Variants in CSNK1G1 observed in about 807,000 individuals in gnomAD.
The protein encoded by CSNK1G1 is casein kinase 1 gamma 1.
In CSNK1G1, 22 loss-of-function variants were observed where a neutral mutation model predicts 59.6. The observed-to-expected ratio is 0.37, with a 90% confidence interval of 0.26 to 0.53. The LOEUF is 0.53. Ranked by LOEUF, CSNK1G1 falls within the 20% of genes least tolerant of loss-of-function variation. The pLI, the probability that CSNK1G1 is intolerant of heterozygous loss-of-function variation, is 0.89. For missense variants in CSNK1G1, 384 were observed against 519.5 expected (o/e 0.74, Z 2.54); for synonymous variants, 179 against 177.1 (o/e 1.01, Z -0.08).
intron 10 of CSNK1G1, among the ~76,000 whole-genome samples, chr15:64,187,374 A>G (rs1458144231): frequency 6.8e-6 from 1 of 146,394 alleles, no homozygotes; most frequent in African/African-American, 2.5e-5. Flanking sequence ...TTTTTTTTGT[A>G]TTTATAGTAC....
At chr15:64,212,334 C>T (rs2082258660) in intron 6 of CSNK1G1, among the ~76,000 whole-genome samples, 1 of 152,208 alleles carries the variant, frequency 6.6e-6, no homozygotes, top group African/African-American at 2.4e-5. Flanking sequence ...TTACTCTTCA[C>T]TATCACTTGA....
intron 6 of CSNK1G1, 72 bp from the exon 7 acceptor site, chr15:64,207,666 C>A (rs1043746266): frequency 1.3e-5 from 15 of 1,143,532 alleles, no homozygotes; most frequent in Non-Finnish European, 2.0e-5. Flanking sequence ...ACCAAGTAAT[C>A]CCTTCAGAAA....
chr15:64,195,129 G>A (rs919980695), intron 10 of CSNK1G1: 2 of 152,124 alleles, frequency 1.3e-5, no homozygotes, highest in South Asian at 2.1e-4. Flanking sequence ...CATATGCTAC[G>A]CATCTCTTTT....
chr15:64,214,678 T>A lies in CSNK1G1; in HGVS notation c.445-554A>T, dbSNP rs2082288355. Among the ~76,000 whole-genome samples, 1 of 152,158 alleles carries A rather than the reference T, an allele frequency of 6.6e-6. No homozygotes were observed. The highest frequency in any genetic ancestry group is 2.4e-5 in the African/African-American group (1 of 41,426). The stretch of plus-strand genomic sequence containing the variant: ...ACAGTTCATTATTATTATTATTATT[T>A]TTGAGACGGAGTCTTGCTCTGTCAC... On this transcript the variant is annotated intron_variant, in intron 5 of 11. Transcript: ENST00000303052. This position sits in a 1 kb window ranked among gnomAD's most constrained non-coding sequence, Gnocchi z 4.3.
intron 1 of CSNK1G1, among the ~76,000 whole-genome samples, chr15:64,325,126 G>A (rs1300799507): frequency 6.6e-6 from 1 of 152,152 alleles, no homozygotes; most frequent in East Asian, 1.9e-4. Flanking sequence ...TGACATCTGG[G>A]TAGTGGACAC....
chr15:64,185,878 A>AG (rs1210973171), intron 10 of CSNK1G1, among the ~76,000 whole-genome samples: 4 of 151,730 alleles, frequency 2.6e-5, no homozygotes, highest in African/African-American at 4.8e-5. Flanking sequence ...AAAAAAAAAA[A>AG]AGAGAGAAAA....
At chr15:64,243,681 A>T (rs777462892) in intron 4 of CSNK1G1, among the ~76,000 whole-genome samples, 21 of 152,206 alleles carry the variant, frequency 1.4e-4, no homozygotes, top group Non-Finnish European at 2.5e-4. Flanking sequence ...TCTCAAAATG[A>T]ATTTAAAAAT....
chr15:64,353,943 TAA>T (rs1387068321), intron 1 of CSNK1G1, among the ~76,000 whole-genome samples: 1 of 152,218 alleles, frequency 6.6e-6, no homozygotes, highest in African/African-American at 2.4e-5. Flanking sequence ...GAATATTATA[TAA>T]GTTTTTCTAG....
intron 1 of CSNK1G1, among the ~76,000 whole-genome samples, chr15:64,336,641 G>A (rs1301582350): frequency 6.6e-6 from 1 of 151,986 alleles, no homozygotes; most frequent in Admixed American, 6.6e-5. Context: ...AAATGTAAGA[G>A]ATTCAAAATA....
At chr15:64,203,694 TA>T (rs531367701) in intron 9 of CSNK1G1, among the ~76,000 whole-genome samples, 1,493 of 56,154 alleles carry the variant, frequency 0.027, 26 homozygotes, top group African/African-American at 0.072. Context: ...TGAAACTCCG[TA>T]AAAAAAAAAA....
intron 2 of CSNK1G1, among the ~76,000 whole-genome samples, chr15:64,282,528 A>C (rs1894197894): frequency 6.6e-6 from 1 of 152,166 alleles, no homozygotes; most frequent in African/African-American, 2.4e-5. Context: ...TCAGTCTCCC[A>C]TGAATTTTTC....
At chr15:64,354,140 C>T (rs568544546) in intron 1 of CSNK1G1, among the ~76,000 whole-genome samples, 3 of 152,056 alleles carry the variant, frequency 2.0e-5, no homozygotes, top group Admixed American at 6.6e-5. Flanking sequence ...CCTCTCTCTA[C>T]TAAAAATACA....
intron 2 of CSNK1G1, among the ~76,000 whole-genome samples, chr15:64,292,908 T>C (rs1045190998): frequency 3.3e-5 from 5 of 152,022 alleles, no homozygotes; most frequent in African/African-American, 9.7e-5. Flanking sequence ...AGCCTGGTGA[T>C]AGAGCGAGAC....
chr15:64,336,082 G>A lies in CSNK1G1; in HGVS notation c.-225+19906C>T, dbSNP rs75137337. Among the ~76,000 whole-genome samples the A allele has an allele frequency of 8.7e-3, 1,320 of 152,086 alleles. 17 individuals are homozygous for A. Among genetic ancestry groups the A allele is most frequent in the African/African-American group, 0.03 (1,260 of 41,484 alleles). On this transcript the variant is annotated intron_variant, in intron 1 of 11. Transcript: ENST00000303052. ...TTATGTGGCTATTTTTTACCTATCT[G>A]CCTACCAAACTATTCTATGGAACTC... is the stretch of plus-strand genomic sequence containing the variant.
chr15:64,235,065 A>AG (rs1178103710), intron 4 of CSNK1G1, among the ~76,000 whole-genome samples: 2 of 152,176 alleles, frequency 1.3e-5, no homozygotes, highest in Non-Finnish European at 2.9e-5. Flanking sequence ...AAGCAGGAGG[A>AG]GGGTCAAAAA....
intron 4 of CSNK1G1, among the ~76,000 whole-genome samples, chr15:64,229,991 G>A (rs1228994118): frequency 6.3e-5 from 8 of 126,988 alleles, no homozygotes; most frequent in Admixed American, 4.1e-4. Flanking sequence ...GCGCGACCTC[G>A]GCTCACTGTA....
At chr15:64,355,452 G>C (rs945415325) in intron 1 of CSNK1G1, among the ~76,000 whole-genome samples, 1 of 152,202 alleles carries the variant, frequency 6.6e-6, no homozygotes, top group African/African-American at 2.4e-5. Flanking sequence ...AGAAGTGGGG[G>C]AAGCGTACGG....
intron 6 of CSNK1G1, among the ~76,000 whole-genome samples, chr15:64,208,493 C>T (rs1208615288): frequency 6.6e-6 from 1 of 152,192 alleles, no homozygotes; most frequent in East Asian, 1.9e-4. Flanking sequence ...ACATCCTACA[C>T]ATTCTTTGAT....
intron 2 of CSNK1G1, among the ~76,000 whole-genome samples, chr15:64,292,921 C>T (rs1894822437): frequency 6.6e-6 from 1 of 151,134 alleles, no homozygotes; most frequent in Non-Finnish European, 1.5e-5. Context: ...AGCGAGACTC[C>T]ATCTCATAAA....
Sources: allele counts gnomAD v4.1 joint callset (sites outside exome capture counted in the v4.1 genomes callset), GRCh38; gene constraint gnomAD v4.1.1; non-coding constraint Gnocchi (gnomAD v3.1); transcripts MANE v1.5; gene names NCBI Gene and HGNC (gene_info 2026-07-23, HGNC 2026-07-21).